Variants in DNAI4 observed in about 807,000 individuals in gnomAD.
DNAI4 encodes WD repeat domain 78.
In DNAI4, 85 loss-of-function variants were observed where a neutral mutation model predicts 105.8. The ratio of observed to expected loss-of-function variants is 0.80; its 90% CI spans 0.67 to 0.96. The LOEUF is 0.96. Ranked by LOEUF, DNAI4 falls within the 40% of genes least tolerant of loss-of-function variation. The probability of loss-of-function intolerance (pLI) is 0.00; values close to 1 mark genes in which losing one functional copy is unlikely to be tolerated. For synonymous variants in DNAI4, 352 were observed against 331.5 expected, an observed-to-expected ratio of 1.06 and a Z score of -0.67; for missense variants, 1,014 against 1,005.6, an observed-to-expected ratio of 1.01 and a Z score of -0.11.
intron 2 of DNAI4, among the ~76,000 whole-genome samples, chr1:66,902,392 C>T (rs1023071415): frequency 6.6e-6 from 1 of 151,974 alleles, no homozygotes; most frequent in Non-Finnish European, 1.5e-5. Context: ...AAGTTATTTG[C>T]CCATTCTTTT....
Position 66,840,684 on chromosome 1 carries a change from CA to C in DNAI4, c.1292-14del. 6.2e-7 allele frequency: 1 copy of C among 1,613,626 alleles called. No homozygotes were observed. The highest frequency in any genetic ancestry group is 1.1e-5 in the South Asian group (1 of 91,068). ...TCAGGTTCAGGTTCTAAAGTTTAAA[CA>C]AATAAAAAGATCATTGTCCTCTACA... On this transcript the variant is annotated splice_polypyrimidine_tract_variant and intron_variant, in intron 8 of 16. Transcript: ENST00000371026.
chr1:66,826,459 T>C (rs1645756059), intron 15 of DNAI4, among the ~76,000 whole-genome samples: 3 of 152,088 alleles, frequency 2.0e-5, no homozygotes, highest in South Asian at 4.1e-4. Flanking sequence ...CCACCACACC[T>C]GGCTAGTTTT....
chr1:66,854,461 G>A (rs558073397), intron 7 of DNAI4, among the ~76,000 whole-genome samples: 2 of 152,178 alleles, frequency 1.3e-5, no homozygotes, highest in East Asian at 1.9e-4. Flanking sequence ...ATCAAAACAT[G>A]TACAGGGCTT....
At chr1:66,874,988 T>G in intron 4 of DNAI4, 51 bp from the exon 5 acceptor site, 2 of 1,517,984 alleles carry the variant, frequency 1.3e-6, no homozygotes, top group East Asian at 2.3e-5. Flanking sequence ...ATTTTTAATT[T>G]GCATTTTTCC....
In DNAI4 at chr1:66,826,921, A is replaced by G. The variant is rs1244035105; in HGVS notation, c.2238T>C (p.Ala746=). The G allele has an allele frequency of 3.7e-6, 6 of 1,614,204 alleles. No homozygotes were observed. Among genetic ancestry groups the G allele is most frequent in the Admixed American group, 1.7e-5 (1 of 60,034 alleles). Residue 746 remains alanine (A), a synonymous_variant, in exon 15 of 17, where the codon GCT becomes GCC. Coordinates refer to ENST00000371026, the MANE Select transcript of DNAI4 (RefSeq NM_024763.5). ...AGGCAACGTCGTAAACAACAGAAGT[A>G]GCTGGATAAAAACTCAAAGATGGCT... ...NVKPSLSFYP[A]TSVVYDVAWS... is the part of the protein sequence containing the mutation.
chr1:66,909,320 A>ACACACACACACACACACG (rs1649488094), intron 1 of DNAI4, among the ~76,000 whole-genome samples: 1 of 151,118 alleles, frequency 6.6e-6, no homozygotes, highest in Admixed American at 6.6e-5. Context: ...ACACACACAC[A>ACACACACACACACACACG]CAGTCTCTCT....
Position 66,822,519 on chromosome 1 carries a change from T to A in DNAI4, c.2340-2A>T. The A allele has an allele frequency of 6.4e-7, 1 of 1,573,852 alleles. No homozygotes were observed. The highest frequency in any genetic ancestry group is 8.6e-7 in the Non-Finnish European group (1 of 1,163,992). ...GTATTCACAATCAGAGGGTCCAAACTGTAATGAAATATTTTATTTGTAAAT... is the reference window on the plus strand; with the variant it reads ...GTATTCACAATCAGAGGGTCCAAACAGTAATGAAATATTTTATTTGTAAAT... On this transcript the variant is annotated splice_acceptor_variant, in intron 15 of 16. Coordinates refer to ENST00000371026, the MANE Select transcript of DNAI4 (RefSeq NM_024763.5). LOFTEE classifies it high-confidence loss of function.
chr1:66,893,135 G>A, intron 3 of DNAI4, 94 bp downstream of exon 3: 1 of 563,184 alleles, frequency 1.8e-6, no homozygotes, highest in Non-Finnish European at 2.8e-6. Context: ...CTGGGAGACT[G>A]GAGACAACTG....
intron 2 of DNAI4, among the ~76,000 whole-genome samples, chr1:66,895,960 G>A (rs936380127): frequency 6.6e-6 from 1 of 151,978 alleles, no homozygotes; most frequent in Admixed American, 6.6e-5. Context: ...AACTTTATTG[G>A]ATAATATTTT....
intron 11 of DNAI4, 24 bp from the exon 12 acceptor site, chr1:66,834,172 A>C (rs1387870207): frequency 1.3e-6 from 2 of 1,558,410 alleles, no homozygotes; most frequent in Non-Finnish European, 1.7e-6. Context: ...AAAAATACTA[A>C]ACATATAATC....
intron 10 of DNAI4, among the ~76,000 whole-genome samples, chr1:66,836,733 C>G (rs1194787230): frequency 6.6e-6 from 1 of 152,218 alleles, no homozygotes; most frequent in Non-Finnish European, 1.5e-5. Flanking sequence ...AAACCCAGAT[C>G]TATATGACAT....
At position 66,888,538 on chromosome 1, in the gene DNAI4, C is replaced by A. The variant is rs564961878; in HGVS notation, c.643+2616G>T. Among the ~76,000 whole-genome samples the A allele has an allele frequency of 4.4e-4, 67 of 152,190 alleles. 1 individual carries two copies. The highest frequency in any genetic ancestry group is 1.4e-3 in the African/African-American group (57 of 41,538). On this transcript the variant is annotated intron_variant, in intron 4 of 16. Coordinates refer to ENST00000371026, the MANE Select transcript of DNAI4 (RefSeq NM_024763.5). ...TGAAACCCCGTCTCTACTAAAAATA[C>A]AAAAATTAGCCAGGCATGGTGGCAA...
At chr1:66,851,960 T>A (rs1358791032) in intron 7 of DNAI4, among the ~76,000 whole-genome samples, 1 of 151,910 alleles carries the variant, frequency 6.6e-6, no homozygotes, top group Non-Finnish European at 1.5e-5. Context: ...AAGTCAGTGA[T>A]ATAAAGAATT....
intron 1 of DNAI4, chr1:66,919,042 G>A: frequency 2.4e-6 from 1 of 417,992 alleles, no homozygotes; most frequent in Non-Finnish European, 4.8e-6. Flanking sequence ...CCCCCTCCCT[G>A]CTTCAAGTTG....
intron 1 of DNAI4, among the ~76,000 whole-genome samples, chr1:66,923,840 G>A (rs1650808628): frequency 6.6e-6 from 1 of 152,160 alleles, no homozygotes; most frequent in African/African-American, 2.4e-5. Flanking sequence ...CAGCATTACG[G>A]GCAGCGCTAA....
At chr1:66,821,048 G>A (rs1645614103) in intron 16 of DNAI4, among the ~76,000 whole-genome samples, 1 of 148,828 alleles carries the variant, frequency 6.7e-6, no homozygotes, top group South Asian at 2.1e-4. Context: ...TCTCAGAAGT[G>A]GAATTACTAG....
At chr1:66,920,539 G>A (rs1324302050) in intron 1 of DNAI4, among the ~76,000 whole-genome samples, 1 of 152,118 alleles carries the variant, frequency 6.6e-6, no homozygotes, top group African/African-American at 2.4e-5. Context: ...CCCTCCCCTA[G>A]ATACTGTTGG....
At chr1:66,819,385 T>G (rs921793773) in intron 16 of DNAI4, among the ~76,000 whole-genome samples, 1 of 152,218 alleles carries the variant, frequency 6.6e-6, no homozygotes, top group Non-Finnish European at 1.5e-5. Context: ...CAAAAGTCAA[T>G]TATTCTCCTG....
At chr1:66,901,015 T>A (rs1459646629) in intron 2 of DNAI4, among the ~76,000 whole-genome samples, 1 of 152,234 alleles carries the variant, frequency 6.6e-6, no homozygotes, top group Non-Finnish European at 1.5e-5. Flanking sequence ...GTGGGGTTTT[T>A]GTGAATCCTT....
Sources: allele counts gnomAD v4.1 joint callset (sites outside exome capture counted in the v4.1 genomes callset), GRCh38; gene constraint gnomAD v4.1.1; transcripts MANE v1.5; gene names NCBI Gene and HGNC (gene_info 2026-07-23, HGNC 2026-07-21).